Variants in MGAT4C observed in about 807,000 individuals in gnomAD.
MGAT4C encodes alpha-1,3-mannosyl-glycoprotein 4-beta-N-acetylglucosaminyltransferase C.
MGAT4C carries 19 observed loss-of-function variants against 40.1 expected under a neutral mutation model. That is an observed-to-expected ratio of 0.47 (90% CI 0.33 to 0.70). The LOEUF (loss-of-function observed/expected upper bound fraction) is 0.70, where lower values mean the gene tolerates loss of function less well. MGAT4C is among the 30% of genes least tolerant of loss of function. The pLI is 0.02. For synonymous variants in MGAT4C, 181 were observed against 187.1 expected (o/e 0.97, Z 0.27); for missense variants, 491 against 563.2 (o/e 0.87, Z 1.30).
At chr12:86,243,125 G>C (rs538215950) in intron 1 of MGAT4C, among the ~76,000 whole-genome samples, 1 of 152,242 alleles carries the variant, frequency 6.6e-6, no homozygotes, top group African/African-American at 2.4e-5. Context: ...AACTCAAAAT[G>C]AGTACATGAG....
intron 2 of MGAT4C, among the ~76,000 whole-genome samples, chr12:86,662,197 T>G (rs572891709): frequency 6.6e-6 from 1 of 152,224 alleles, no homozygotes; most frequent in South Asian, 2.1e-4. Context: ...GCTCAGAAAA[T>G]CAGAGCAATA....
intron 2 of MGAT4C, chr12:86,599,744 T>A (rs1443834386): frequency 6.6e-6 from 1 of 152,202 alleles, no homozygotes; most frequent in Non-Finnish European, 1.5e-5. Flanking sequence ...CGCATAACTT[T>A]GTGAAACATT....
chr12:86,157,585 G>A (rs1258724283), intron 1 of MGAT4C, among the ~76,000 whole-genome samples: 1 of 151,860 alleles, frequency 6.6e-6, no homozygotes, highest in Non-Finnish European at 1.5e-5. Context: ...ACAACTACCT[G>A]AGATTGGGTT....
chr12:86,822,733 C>A (rs1254146147), intron 1 of MGAT4C, among the ~76,000 whole-genome samples: 17 of 150,954 alleles, frequency 1.1e-4, no homozygotes, highest in Non-Finnish European at 3.0e-5. Context: ...TGGAATAATT[C>A]AATACCGCAC....
rs5799770 is a variant in MGAT4C, at chr12:86,251,131, GTTTT to G, written c.-57+5104_-57+5107del. On this transcript the variant is annotated intron_variant, in intron 1 of 4. Coordinates refer to ENST00000611864, the MANE Select transcript of MGAT4C (RefSeq NM_001351288.2). ...TACGAGGTAGGTACTTTTATTTCCC[GTTTT>G]TTTTTTTTTTTTTTATTATGAAGGC... Among the ~76,000 whole-genome samples the G allele has an allele frequency of 4.3e-5, 6 of 138,098 alleles. No homozygotes were observed. In the East Asian group the frequency reaches 6.4e-4, roughly 15 times the overall value. The allele number at this position is 138,098 out of a possible 152,430, so 90.6% of individuals were successfully genotyped here.
chr12:86,307,093 C>A (rs1169302818), intron 4 of MGAT4C, among the ~76,000 whole-genome samples: 1 of 150,200 alleles, frequency 6.7e-6, no homozygotes, highest in Admixed American at 6.6e-5. Context: ...TCATATTGAT[C>A]CAGAGCCATT....
intron 2 of MGAT4C, among the ~76,000 whole-genome samples, chr12:86,632,395 C>A (rs1963079661): frequency 6.6e-6 from 1 of 152,114 alleles, no homozygotes. Context: ...AACCAGCCAT[C>A]CCATTACTGG....
chr12:85,994,800 G>A (rs1302978447), intron 2 of MGAT4C, among the ~76,000 whole-genome samples: 1 of 152,150 alleles, frequency 6.6e-6, no homozygotes, highest in Non-Finnish European at 1.5e-5. Flanking sequence ...CTCAAGATTA[G>A]TGGAGACATA....
chr12:86,091,654 CTTTTA>C (rs1376135254), intron 1 of MGAT4C, among the ~76,000 whole-genome samples: 1 of 152,014 alleles, frequency 6.6e-6, no homozygotes, highest in Non-Finnish European at 1.5e-5. Context: ...TATAATACCT[CTTTTA>C]TTTTATGCTA....
chr12:86,441,675 A>T (rs563264764), intron 2 of MGAT4C, among the ~76,000 whole-genome samples: 32 of 151,718 alleles, frequency 2.1e-4, no homozygotes, highest in Non-Finnish European at 4.0e-4. Context: ...AAGGACATGA[A>T]CTCATCTTTT....
At chr12:86,017,250 G>A (rs956325177) in intron 2 of MGAT4C, among the ~76,000 whole-genome samples, 1 of 152,032 alleles carries the variant, frequency 6.6e-6, no homozygotes, top group Non-Finnish European at 1.5e-5. Context: ...TCTCGAACTC[G>A]GAGCTATAAG....
chr12:86,690,870 T>C (rs1266828164), intron 2 of MGAT4C, among the ~76,000 whole-genome samples: 1 of 152,206 alleles, frequency 6.6e-6, no homozygotes, highest in Non-Finnish European at 1.5e-5. Flanking sequence ...AATAGCTTTA[T>C]ATTACAGTTT....
intron 2 of MGAT4C, among the ~76,000 whole-genome samples, chr12:86,462,810 C>A (rs144906788): frequency 6.6e-6 from 1 of 152,132 alleles, no homozygotes; most frequent in Non-Finnish European, 1.5e-5. Context: ...AGCATGTATG[C>A]GCTTTCCATC....
At chr12:86,078,600 T>C (rs1363677414) in intron 1 of MGAT4C, among the ~76,000 whole-genome samples, 1 of 152,176 alleles carries the variant, frequency 6.6e-6, no homozygotes, top group African/African-American at 2.4e-5. Context: ...GGAATGGTGC[T>C]ATATCGAAGG....
At chr12:86,100,468 A>C (rs749847252) in intron 1 of MGAT4C, among the ~76,000 whole-genome samples, 2 of 151,420 alleles carry the variant, frequency 1.3e-5, no homozygotes, top group Admixed American at 6.6e-5. Flanking sequence ...GGCTAATTCC[A>C]AAAAAGACAA....
chr12:86,794,940 C>T (rs1250525347), intron 1 of MGAT4C, among the ~76,000 whole-genome samples: 1 of 151,736 alleles, frequency 6.6e-6, no homozygotes, highest in Admixed American at 6.6e-5. Flanking sequence ...CCACTGCACC[C>T]CATTCTGTTT....
At chr12:86,674,642 G>C (rs1017043068) in intron 2 of MGAT4C, among the ~76,000 whole-genome samples, 1 of 152,064 alleles carries the variant, frequency 6.6e-6, no homozygotes. Context: ...GTTGCAGTGA[G>C]CCGAGATCAT....
rs1219033130 is a variant in MGAT4C, at chr12:86,631,485, T to C, written c.-229+95724A>G. ...CAAAAGAGCAAAGCTGGAGGCATCA[T>C]GCTACCTGACTTCAAACTATACTAC... On this transcript the variant is annotated intron_variant, in intron 2 of 7. Coordinates refer to the MGAT4C transcript ENST00000548651. Among the ~76,000 whole-genome samples, 18 of 152,086 alleles carry C rather than the reference T, an allele frequency of 1.2e-4. No individual in the cohort carries two copies. In the East Asian group the frequency reaches 2.9e-3, roughly 25 times the overall value.
At chr12:86,556,286 C>T (rs1045151659) in intron 2 of MGAT4C, among the ~76,000 whole-genome samples, 1 of 152,118 alleles carries the variant, frequency 6.6e-6, no homozygotes, top group Non-Finnish European at 1.5e-5. Context: ...AAGAATAAAA[C>T]TTAATATTTG....
Sources: allele counts gnomAD v4.1 joint callset (sites outside exome capture counted in the v4.1 genomes callset), GRCh38; gene constraint gnomAD v4.1.1; transcripts MANE v1.5; gene names NCBI Gene and HGNC (gene_info 2026-07-23, HGNC 2026-07-21).